The following TAFA2 variants were observed in gnomAD, a reference collection of about 807,000 sequenced individuals.
The protein encoded by TAFA2 is TAFA chemokine like family member 2.
Under a neutral mutation model 18.8 loss-of-function variants are expected in TAFA2, and 7 were observed. That is an observed-to-expected ratio of 0.37 (90% CI 0.21 to 0.70). The LOEUF (loss-of-function observed/expected upper bound fraction) is 0.70. Ranked by LOEUF, TAFA2 falls within the 30% of genes least tolerant of loss-of-function variation. TAFA2 has a pLI of 0.53. For synonymous variants in TAFA2, 60 were observed against 54.2 expected (o/e 1.11, Z -0.47); for missense variants, 122 against 158.1 (o/e 0.77, Z 1.23).
chr12:61,761,092 C>A (rs1459889002), intron 2 of TAFA2, among the ~76,000 whole-genome samples: 1 of 151,874 alleles, frequency 6.6e-6, no homozygotes, highest in Non-Finnish European at 1.5e-5. Context: ...CTCTATGGTA[C>A]CCCAGAAACA....
chr12:62,063,136 G>A (rs997116003), intron 1 of TAFA2, among the ~76,000 whole-genome samples: 2 of 152,022 alleles, frequency 1.3e-5, no homozygotes, highest in Non-Finnish European at 2.9e-5. Flanking sequence ...TTAGGACATG[G>A]ACATATTTGG....
At chr12:61,926,920 C>A (rs1877319877) in intron 1 of TAFA2, among the ~76,000 whole-genome samples, 1 of 151,500 alleles carries the variant, frequency 6.6e-6, no homozygotes, top group Non-Finnish European at 1.5e-5. Flanking sequence ...TAAAAAAGTA[C>A]CAAAATTAGC....
chr12:62,090,235 A>G (rs1868652716), intron 1 of TAFA2, among the ~76,000 whole-genome samples: 1 of 152,092 alleles, frequency 6.6e-6, no homozygotes, highest in Non-Finnish European at 1.5e-5. Flanking sequence ...ACTTTCTTCA[A>G]GAATTTCAAT....
intron 1 of TAFA2, among the ~76,000 whole-genome samples, chr12:62,023,250 G>A (rs952633223): frequency 5.9e-5 from 9 of 151,988 alleles, no homozygotes; most frequent in African/African-American, 2.2e-4. Context: ...GGCTTAGTGA[G>A]GGGAGGGTGA....
intron 1 of TAFA2, among the ~76,000 whole-genome samples, chr12:62,150,948 C>T (rs1045242718): frequency 6.6e-6 from 1 of 151,666 alleles, no homozygotes; most frequent in African/African-American, 2.4e-5. Flanking sequence ...GGCTGGGTTA[C>T]CCATTCCTAG....
At chr12:61,786,710 T>C (rs1178233816) in intron 2 of TAFA2, among the ~76,000 whole-genome samples, 1 of 151,590 alleles carries the variant, frequency 6.6e-6, no homozygotes, top group Non-Finnish European at 1.5e-5. Context: ...ATAGGATCAA[T>C]GTATTATATT....
intron 1 of TAFA2, among the ~76,000 whole-genome samples, chr12:61,956,301 T>C (rs1318395051): frequency 6.6e-6 from 1 of 152,114 alleles, no homozygotes; most frequent in Non-Finnish European, 1.5e-5. Flanking sequence ...CCTTATCTTT[T>C]GTTGGTGGAT....
At chr12:61,786,847 A>G (rs991668067) in intron 2 of TAFA2, among the ~76,000 whole-genome samples, 6 of 151,586 alleles carry the variant, frequency 4.0e-5, no homozygotes, top group Non-Finnish European at 7.4e-5. Context: ...ATACTCAATC[A>G]TCCACTATAA....
At position 61,845,332 on chromosome 12, in the gene TAFA2, C is replaced by G. The variant is rs118087814; in HGVS notation, c.106+21988G>C. On this transcript the variant is annotated intron_variant, in intron 2 of 4. Transcript: ENST00000416284. The stretch of plus-strand genomic sequence containing the variant: ...TGAGGTTCCCCTGTTTTAATTTACT[C>G]AATCAGAGACACAGTCTCTAAGAAA... 6.4e-3 allele frequency among the ~76,000 whole-genome samples: 973 copies of G among 152,066 alleles called. 2 individuals carry two copies. The highest frequency in any genetic ancestry group is 0.011 in the Non-Finnish European group (724 of 67,970).
chr12:61,926,862 A>G (rs1180356438), intron 1 of TAFA2, among the ~76,000 whole-genome samples: 1 of 151,882 alleles, frequency 6.6e-6, no homozygotes, highest in Non-Finnish European at 1.5e-5. Flanking sequence ...CACAAGGTCA[A>G]GAGATCAAGA....
At chr12:61,721,141 C>G (rs1372624480) in intron 4 of TAFA2, among the ~76,000 whole-genome samples, 4 of 151,864 alleles carry the variant, frequency 2.6e-5, no homozygotes, top group African/African-American at 7.3e-5. Context: ...AGACACACAC[C>G]TTTAAATGGG....
At chr12:62,102,447 G>T (rs1311798991) in intron 1 of TAFA2, among the ~76,000 whole-genome samples, 1 of 152,146 alleles carries the variant, frequency 6.6e-6, no homozygotes, top group African/African-American at 2.4e-5. Context: ...CTGAAAATTA[G>T]ATTACTCCCC....
chr12:61,714,074 T>C (rs1869536914), intron 4 of TAFA2, among the ~76,000 whole-genome samples: 1 of 152,110 alleles, frequency 6.6e-6, no homozygotes, highest in Admixed American at 6.6e-5. Context: ...AGCAGGAGGT[T>C]GCAATAAAAT....
At chr12:62,116,479 G>A (rs1009207325) in intron 1 of TAFA2, among the ~76,000 whole-genome samples, 8 of 152,160 alleles carry the variant, frequency 5.3e-5, no homozygotes, top group Non-Finnish European at 8.8e-5. Context: ...AGGCTCTGGC[G>A]TATGTGGCAG....
chr12:61,760,089 T>TG (rs1301148184), intron 2 of TAFA2, among the ~76,000 whole-genome samples: 3 of 150,760 alleles, frequency 2.0e-5, no homozygotes, highest in African/African-American at 7.3e-5. Flanking sequence ...TTTTTTTTTT[T>TG]TTCACTGCCT....
At chr12:61,877,944 C>T (rs1310425060) in intron 1 of TAFA2, 9 of 382,704 alleles carry the variant, frequency 2.4e-5, no homozygotes, top group Non-Finnish European at 4.1e-5. Flanking sequence ...CACACACATA[C>T]ATATACATAT....
At chr12:61,733,366 G>A (rs552868509) in intron 4 of TAFA2, among the ~76,000 whole-genome samples, 2 of 152,216 alleles carry the variant, frequency 1.3e-5, no homozygotes, top group South Asian at 2.1e-4. Flanking sequence ...GTCCTGAATG[G>A]TAATGCCCAG....
chr12:62,220,803 A>G (rs748706817), intron 1 of TAFA2, among the ~76,000 whole-genome samples: 1 of 151,924 alleles, frequency 6.6e-6, no homozygotes, highest in Admixed American at 6.6e-5. Context: ...AGGAAGGAAG[A>G]GCGAAAAGAA....
chr12:61,936,540 C>T (rs1182343137), intron 1 of TAFA2, among the ~76,000 whole-genome samples: 1 of 151,930 alleles, frequency 6.6e-6, no homozygotes, highest in African/African-American at 2.4e-5. Context: ...TGCACTCCAG[C>T]CTGGGTGACA....
Sources: allele counts gnomAD v4.1 joint callset (sites outside exome capture counted in the v4.1 genomes callset), GRCh38; gene constraint gnomAD v4.1.1; transcripts MANE v1.5; gene names NCBI Gene and HGNC (gene_info 2026-07-23, HGNC 2026-07-21).